Variants in KAZN observed in about 807,000 individuals in gnomAD.
KAZN encodes the protein kazrin, periplakin interacting protein.
A neutral mutation model predicts 87.4 loss-of-function variants in KAZN; 40 were observed. The observed-to-expected ratio is 0.46, with a 90% CI of 0.36 to 0.60. KAZN has a LOEUF of 0.60. KAZN is among the 20% of genes least tolerant of loss of function. The pLI is 0.00. For synonymous variants in KAZN, 466 were observed against 458.3 expected, an observed-to-expected ratio of 1.02 and a Z score of -0.22; for missense variants, 898 against 1,073.9, an observed-to-expected ratio of 0.84 and a Z score of 2.29.
At chr1:13,995,935 C>T (rs959614901) in intron 1 of KAZN, among the ~76,000 whole-genome samples, 7 of 152,142 alleles carry the variant, frequency 4.6e-5, no homozygotes, top group East Asian at 3.9e-4. Context: ...GAAACAGCAG[C>T]GATCAGAGGC....
rs577174268 is a variant in KAZN, at chr1:14,035,178, A to G, written c.91+141422A>G. On this transcript the variant is annotated intron_variant, in intron 1 of 16. Coordinates refer to the KAZN transcript ENST00000636203. Reference sequence around the variant, plus strand: ...ACTTAACCTGGTAGGAAGGGCAGATAGGCAGATTAATCCACTACAATGTGA... The same window carrying G: ...ACTTAACCTGGTAGGAAGGGCAGATGGGCAGATTAATCCACTACAATGTGA... 3.9e-5 allele frequency among the ~76,000 whole-genome samples: 6 copies of G among 152,320 alleles called. No homozygotes were observed. The East Asian group carries it at 1.2e-3, about 29-fold the overall frequency.
intron 1 of KAZN, among the ~76,000 whole-genome samples, chr1:14,791,119 G>A (rs1005161183): frequency 6.6e-6 from 1 of 152,118 alleles, no homozygotes; most frequent in Non-Finnish European, 1.5e-5. Flanking sequence ...CCCTGCCCTC[G>A]AAACAGCCTT....
At chr1:14,991,845 T>C (rs1667390844) in intron 2 of KAZN, among the ~76,000 whole-genome samples, 1 of 152,222 alleles carries the variant, frequency 6.6e-6, no homozygotes, top group African/African-American at 2.4e-5. Flanking sequence ...TCTAAACCCC[T>C]GACTTCTGGA....
At chr1:14,451,100 G>A (rs1667246017) in intron 2 of KAZN, among the ~76,000 whole-genome samples, 1 of 152,144 alleles carries the variant, frequency 6.6e-6, no homozygotes. Flanking sequence ...AAGCTGAGCA[G>A]ATGCTGGCAC....
exon 2 of KAZN, chr1:14,180,540 A>G: frequency 1.3e-6 from 2 of 1,550,356 alleles, no homozygotes; most frequent in Non-Finnish European, 1.7e-6. Context: ...ACTGAGAAGG[A>G]GACTCTGAAG....
intron 1 of KAZN, among the ~76,000 whole-genome samples, chr1:13,969,921 G>A (rs572765373): frequency 9.8e-5 from 15 of 152,286 alleles, no homozygotes; most frequent in African/African-American, 3.6e-4. Context: ...CTGTGAGGTA[G>A]GCACCGCCCA....
At chr1:14,647,665 G>C (rs964326957) in intron 1 of KAZN, among the ~76,000 whole-genome samples, 1 of 152,148 alleles carries the variant, frequency 6.6e-6, no homozygotes, top group African/African-American at 2.4e-5. Flanking sequence ...GGGAATCGGG[G>C]CCTGGTATTG....
chr1:14,764,384 A>ACC lies in KAZN; in HGVS notation c.226+165162_226+165163insCC, dbSNP rs1408862725. Among the ~76,000 whole-genome samples, 762 of 105,058 alleles carry ACC rather than the reference A, an allele frequency of 7.3e-3. 10 individuals are homozygous for ACC. Among genetic ancestry groups the ACC allele is most frequent in the Non-Finnish European group, 8.6e-3 (439 of 51,220 alleles). The allele number at this position is 105,058 out of a possible 152,430, so 68.9% of individuals were successfully genotyped here. A position where few individuals can be genotyped will look rare whatever the true frequency, so the allele number is the denominator to read the frequency against. ...CAAACCACTCCCGACCCCCTCCCCC[A>ACC]CACCCCCCCCACAATGTGGGCATTC... is the stretch of plus-strand genomic sequence containing the variant. On this transcript the variant is annotated intron_variant, in intron 1 of 14. Coordinates refer to ENST00000376030, the MANE Select transcript of KAZN (RefSeq NM_201628.3).
At chr1:14,433,193 T>A (rs1180276466) in intron 2 of KAZN, among the ~76,000 whole-genome samples, 2 of 152,196 alleles carry the variant, frequency 1.3e-5, no homozygotes, top group African/African-American at 2.4e-5. Flanking sequence ...CTCCTGCCAG[T>A]CAAGATCCAG....
At chr1:14,187,259 A>G (rs923917691) in intron 2 of KAZN, among the ~76,000 whole-genome samples, 2 of 152,148 alleles carry the variant, frequency 1.3e-5, no homozygotes, top group African/African-American at 4.8e-5. Context: ...ATTTTGGGAA[A>G]GAAGAACATT....
chr1:14,447,468 T>C (rs1667051099), intron 2 of KAZN, among the ~76,000 whole-genome samples: 2 of 151,986 alleles, frequency 1.3e-5, no homozygotes, highest in African/African-American at 4.8e-5. Context: ...CTCGATCTTT[T>C]CACTCGGTGA....
chr1:14,767,314 AG>A (rs1313610845), intron 1 of KAZN, among the ~76,000 whole-genome samples: 1 of 152,178 alleles, frequency 6.6e-6, no homozygotes, highest in African/African-American at 2.4e-5. Flanking sequence ...CCTGAGCTGA[AG>A]GCTGGGAGTG....
chr1:14,343,956 A>G lies in KAZN; in HGVS notation c.249+163364A>G, dbSNP rs72867377. Among the ~76,000 whole-genome samples the G allele has an allele frequency of 2.0e-3, 310 of 152,138 alleles. 1 individual carries two copies. Among genetic ancestry groups the G allele is most frequent in the African/African-American group, 7.1e-3 (296 of 41,520 alleles). On this transcript the variant is annotated intron_variant, in intron 2 of 16. Coordinates refer to the KAZN transcript ENST00000636203. ...ACCACTGTAGCTGCATTGTACTAAAACTAGTTTCTAAGTTTGTGTCAACTT... is the reference window on the plus strand; with the variant it reads ...ACCACTGTAGCTGCATTGTACTAAAGCTAGTTTCTAAGTTTGTGTCAACTT...
intron 2 of KAZN, among the ~76,000 whole-genome samples, chr1:14,351,985 CAA>C (rs1277317579): frequency 3.3e-5 from 5 of 152,130 alleles, no homozygotes; most frequent in African/African-American, 9.6e-5. Flanking sequence ...TTAAATGTAA[CAA>C]AAATTTTGAA....
chr1:14,286,746 T>C (rs982901549), intron 2 of KAZN, among the ~76,000 whole-genome samples: 1 of 152,136 alleles, frequency 6.6e-6, no homozygotes. Context: ...AAATTCTTGA[T>C]GTAACACAAA....
intron 8 of KAZN, chr1:15,068,273 G>A (rs1458212943): frequency 5.4e-6 from 1 of 185,086 alleles, no homozygotes; most frequent in East Asian, 1.9e-4. Context: ...CTGGGAGGGG[G>A]GATGGGAGGG....
intron 1 of KAZN, among the ~76,000 whole-genome samples, chr1:14,653,651 C>T (rs538588895): frequency 4.6e-5 from 7 of 152,318 alleles, no homozygotes; most frequent in Admixed American, 1.3e-4. Context: ...CCACATCCCT[C>T]GGGGTTTTGA....
At chr1:14,908,520 C>T (rs1049004715) in intron 1 of KAZN, among the ~76,000 whole-genome samples, 7 of 151,866 alleles carry the variant, frequency 4.6e-5, no homozygotes, top group African/African-American at 7.3e-5. Flanking sequence ...CCAGTCTGAG[C>T]GACAGAGTGA....
intron 1 of KAZN, among the ~76,000 whole-genome samples, chr1:14,913,212 C>T (rs1657436438): frequency 6.6e-6 from 1 of 152,128 alleles, no homozygotes; most frequent in Non-Finnish European, 1.5e-5. Context: ...GCTCACCCAG[C>T]GGCTCTTGGG....
Sources: allele counts gnomAD v4.1 joint callset (sites outside exome capture counted in the v4.1 genomes callset), GRCh38; gene constraint gnomAD v4.1.1; transcripts MANE v1.5; gene names NCBI Gene and HGNC (gene_info 2026-07-23, HGNC 2026-07-21).